GREB1: variants seen among roughly 807,000 people sequenced by gnomAD.
GREB1 encodes the protein growth regulating estrogen receptor binding 1.
A neutral mutation model predicts 200.7 loss-of-function variants in GREB1; 106 were observed. That is an observed-to-expected ratio of 0.53 (90% CI 0.45 to 0.62). GREB1 has a LOEUF of 0.62. Among genes scored for constraint, GREB1 ranks in the 20% least tolerant of loss-of-function variants. GREB1 has a pLI of 0.00. For missense variants in GREB1, 2,243 were observed against 2,556.8 expected (o/e 0.88, Z 2.65); for synonymous variants, 1,132 against 1,092.4 (o/e 1.04, Z -0.72).
In GREB1 at chr2:11,503,527, G is replaced by T. The variant is rs188757945; in HGVS notation, c.-159+21146G>T. Among the ~76,000 whole-genome samples the T allele has an allele frequency of 4.7e-4, 72 of 152,240 alleles. 1 individual carries two copies. Among genetic ancestry groups the T allele is most frequent in the Non-Finnish European group, 3.2e-4 (22 of 68,024 alleles). On this transcript the variant is annotated intron_variant, in intron 1 of 2. Transcript: ENST00000628795. ...CGTGTCTCAGTAGGGGAGTTTCTAG[G>T]AGCGGAATTGCTAGGTTACGTGGTA...
chr2:11,586,383 CA>C (rs1680094558), intron 9 of GREB1, among the ~76,000 whole-genome samples: 1 of 152,220 alleles, frequency 6.6e-6, no homozygotes, highest in South Asian at 2.1e-4. Flanking sequence ...CCGTGGTCAC[CA>C]CTGTAGAAGC....
Position 11,597,722 on chromosome 2 carries a change from G to A in GREB1, c.1955-59G>A. ...AGGTCTCACTGATTCTCTGGCCAAG[G>A]GCCTGGCAGTAGCCGTGTGCCCTGG... On this transcript the variant is annotated intron_variant, in intron 13 of 32. Coordinates refer to ENST00000381486, the MANE Select transcript of GREB1 (RefSeq NM_014668.4). This position sits in a 1 kb window ranked among gnomAD's most constrained non-coding sequence, Gnocchi z 4.1. The A allele has an allele frequency of 1.3e-6, 2 of 1,497,290 alleles. No homozygotes were observed. The highest frequency in any genetic ancestry group is 1.9e-6 in the Non-Finnish European group (2 of 1,074,936). 92.8% of individuals were successfully genotyped at this position (1,497,290 alleles called of 1,614,324 possible).
intron 1 of GREB1, among the ~76,000 whole-genome samples, chr2:11,514,982 CCA>C (rs1157257744): frequency 7.2e-5 from 11 of 151,946 alleles, no homozygotes; most frequent in East Asian, 3.9e-4. Context: ...ATCCATCCAT[CCA>C]TCCGCGCATG....
intron 1 of GREB1, among the ~76,000 whole-genome samples, chr2:11,516,937 G>A (rs532198462): frequency 6.6e-6 from 1 of 152,356 alleles, no homozygotes; most frequent in Admixed American, 6.5e-5. Flanking sequence ...GAGGCGGGGA[G>A]CATTGTTTTG....
intron 2 of GREB1, among the ~76,000 whole-genome samples, chr2:11,558,249 C>T (rs6728828): frequency 3.7e-4 from 57 of 152,156 alleles, no homozygotes; most frequent in South Asian, 2.1e-3. Context: ...CTGCCCACAG[C>T]GGGAGAGAGG....
chr2:11,542,036 CTCT>C (rs1275107675), intron 1 of GREB1, among the ~76,000 whole-genome samples: 1 of 151,922 alleles, frequency 6.6e-6, no homozygotes, highest in Non-Finnish European at 1.5e-5. Flanking sequence ...TTGCCCCCAT[CTCT>C]TCTATTTTGC....
At chr2:11,538,027 C>T (rs755679421) in intron 1 of GREB1, among the ~76,000 whole-genome samples, 4 of 152,158 alleles carry the variant, frequency 2.6e-5, no homozygotes, top group South Asian at 2.1e-4. Flanking sequence ...CCGTCACACA[C>T]GGTGCCCTGA....
chr2:11,513,274 G>A (rs1055511558), intron 1 of GREB1, among the ~76,000 whole-genome samples: 4 of 152,144 alleles, frequency 2.6e-5, no homozygotes, highest in Non-Finnish European at 4.4e-5. Context: ...TGACAGAGGC[G>A]GGTGGGCGTC....
chr2:11,594,781 C>T (rs1199381072), intron 11 of GREB1, among the ~76,000 whole-genome samples: 2 of 152,158 alleles, frequency 1.3e-5, no homozygotes, highest in Non-Finnish European at 2.9e-5. Context: ...CAAGCTCCGC[C>T]TCCTGGGTTC....
At chr2:11,612,232 A>G in intron 18 of GREB1, 5 of 905,596 alleles carry the variant, frequency 5.5e-6, no homozygotes, top group African/African-American at 1.8e-5. Context: ...AGCTGACAAC[A>G]TAGACTTCCT....
chr2:11,585,606 G>A (rs772943641), intron 8 of GREB1, among the ~76,000 whole-genome samples, 156 bp from the exon 9 acceptor site: 7 of 152,364 alleles, frequency 4.6e-5, no homozygotes, highest in East Asian at 1.9e-4. Context: ...TAAAGGTGCC[G>A]TTGACCTTAG....
At position 11,566,667 on chromosome 2, in the gene GREB1, C is replaced by T; in HGVS notation, c.454+11C>T. ...ACAATGCTCTTCTTGGTAAGTACTG[C>T]TTTGTCATCCTCTGTGGCTCCTTCT... On this transcript the variant is annotated intron_variant, in intron 4 of 32. Transcript: ENST00000381486. 3 of 1,601,588 alleles carry T rather than the reference C, an allele frequency of 1.9e-6. No homozygotes were observed. Among genetic ancestry groups the T allele is most frequent in the Non-Finnish European group, 2.6e-6 (3 of 1,171,786 alleles).
intron 21 of GREB1, among the ~76,000 whole-genome samples, chr2:11,617,510 CAT>C (rs2148345334): frequency 6.6e-6 from 1 of 152,354 alleles, no homozygotes; most frequent in East Asian, 1.9e-4. Flanking sequence ...TTTCACTTCA[CAT>C]ATGAAGAAGT....
Position 11,588,766 on chromosome 2 carries a change from C to T in GREB1, c.1180C>T (p.Leu394Phe), listed in dbSNP as rs764416400. 6.8e-6 allele frequency: 11 copies of T among 1,614,186 alleles called. No individual in the cohort carries two copies. The South Asian group carries it at 1.1e-4, about 16-fold the overall frequency. ...IFKGHGNFPY[L>F]CGNLNDVVVS... ...TGCAGGCCATGGGAACTTCCCTTAC[C>T]TCTGTGGGAACCTGAATGACGTCGT... Residue 394 changes from leucine to phenylalanine, a missense_variant, in exon 10 of 33, where the codon CTC becomes TTC. Around this residue, in one of 3 missense-constraint regions of GREB1, gnomAD observed 1,178 missense variants for 1,387.4 expected, o/e 0.85. Transcript: ENST00000381486.
intron 1 of GREB1, among the ~76,000 whole-genome samples, chr2:11,521,653 A>G (rs73187491): frequency 0.032 from 4,840 of 152,272 alleles, 257 homozygotes; most frequent in African/African-American, 0.11. Flanking sequence ...GAGGCCCAAA[A>G]AATCAGCTAC....
chr2:11,599,305 C>T (rs1464317975), intron 15 of GREB1, among the ~76,000 whole-genome samples: 4 of 151,732 alleles, frequency 2.6e-5, no homozygotes, highest in Admixed American at 6.6e-5. Flanking sequence ...GCTCTGGTAC[C>T]GTGGGTCACC....
chr2:11,586,720 A>G (rs1329335728), intron 9 of GREB1, among the ~76,000 whole-genome samples: 1 of 152,316 alleles, frequency 6.6e-6, no homozygotes, highest in South Asian at 2.1e-4. Context: ...GAAGCACCCT[A>G]CTGTTAATTA....
At chr2:11,491,854 G>C (rs1177315469) in intron 1 of GREB1, among the ~76,000 whole-genome samples, 1 of 152,096 alleles carries the variant, frequency 6.6e-6, no homozygotes, top group Non-Finnish European at 1.5e-5. Context: ...TGGATGCCTG[G>C]TTTCTGCCTT....
Position 11,629,944 on chromosome 2 carries a change from C to A in GREB1, c.4450-4C>A, listed in dbSNP as rs752530132. The A allele has an allele frequency of 1.2e-6, 2 of 1,613,820 alleles. No homozygotes were observed. The highest frequency in any genetic ancestry group is 1.7e-6 in the Non-Finnish European group (2 of 1,179,822). ...CAAGCTCTGTCCTTTCCCCCACACC[C>A]CAGCTGTATGAGTCCACCCTGCACG... On this transcript the variant is annotated splice_region_variant and splice_polypyrimidine_tract_variant and intron_variant, in intron 25 of 32. Coordinates refer to ENST00000381486, the MANE Select transcript of GREB1 (RefSeq NM_014668.4). This position sits in a 1 kb window ranked among gnomAD's most constrained non-coding sequence, Gnocchi z 5.2.
Sources: allele counts gnomAD v4.1 joint callset (sites outside exome capture counted in the v4.1 genomes callset), GRCh38; gene constraint gnomAD v4.1.1; regional missense constraint gnomAD v4.1.1; non-coding constraint Gnocchi (gnomAD v3.1); transcripts MANE v1.5; gene names NCBI Gene and HGNC (gene_info 2026-07-23, HGNC 2026-07-21).